Variants in SGIP1 observed in about 807,000 individuals in gnomAD.
SGIP1 encodes SH3-containing GRB2-like protein 3-interacting protein 1.
SGIP1 carries 38 observed loss-of-function variants against 107.5 expected under a neutral mutation model. The observed-to-expected ratio is 0.35, with a 90% CI of 0.27 to 0.46. The LOEUF is 0.46. Ranked by LOEUF, SGIP1 falls within the 20% of genes least tolerant of loss-of-function variation. SGIP1 has a pLI of 1.00. For synonymous variants in SGIP1, 365 were observed against 366.1 expected, an observed-to-expected ratio of 1.00 and a Z score of 0.03; for missense variants, 929 against 1,019.5, an observed-to-expected ratio of 0.91 and a Z score of 1.21.
chr1:66,696,010 A>G (rs2090848091), intron 18 of SGIP1, among the ~76,000 whole-genome samples: 1 of 152,218 alleles, frequency 6.6e-6, no homozygotes, highest in Non-Finnish European at 1.5e-5. Flanking sequence ...GAAAAGAAAA[A>G]AAGGAGTTTA....
At chr1:66,553,393 C>T (rs370901998) in intron 1 of SGIP1, among the ~76,000 whole-genome samples, 15 of 151,744 alleles carry the variant, frequency 9.9e-5, no homozygotes, top group African/African-American at 2.2e-4. Flanking sequence ...ATGAGGCCAA[C>T]GGCTGGACGT....
chr1:66,551,687 G>A (rs1355598645), intron 1 of SGIP1, among the ~76,000 whole-genome samples: 1 of 152,084 alleles, frequency 6.6e-6, no homozygotes, highest in Non-Finnish European at 1.5e-5. Flanking sequence ...TGTTTACTCT[G>A]CAGCAAATAC....
intron 15 of SGIP1, chr1:66,684,188 G>T: frequency 6.4e-7 from 1 of 1,550,558 alleles, no homozygotes; most frequent in Non-Finnish European, 8.7e-7. Context: ...TCATACTCAG[G>T]TCTGTCTGAG....
At chr1:66,708,655 T>C (rs1449908576) in intron 18 of SGIP1, among the ~76,000 whole-genome samples, 1 of 152,168 alleles carries the variant, frequency 6.6e-6, no homozygotes, top group African/African-American at 2.4e-5. Context: ...CAATTGGGCA[T>C]TAATTTTGGA....
intron 1 of SGIP1, among the ~76,000 whole-genome samples, chr1:66,568,711 A>G (rs1403769666): frequency 6.6e-6 from 1 of 152,010 alleles, no homozygotes; most frequent in African/African-American, 2.4e-5. Context: ...GGCTGGTTCA[A>G]CATACGCAAA....
intron 15 of SGIP1, among the ~76,000 whole-genome samples, chr1:66,683,713 T>TC: frequency 7.9e-6 from 1 of 127,232 alleles, no homozygotes; most frequent in African/African-American, 3.0e-5. Context: ...TTTTTTTTTT[T>TC]TTTTTTTTTT....
intron 1 of SGIP1, among the ~76,000 whole-genome samples, chr1:66,578,553 G>C (rs1487191546): frequency 6.6e-6 from 1 of 152,130 alleles, no homozygotes; most frequent in East Asian, 1.9e-4. Context: ...TTTCTTAAGG[G>C]GGTATTGAGG....
chr1:66,570,802 C>A (rs2060279020), intron 1 of SGIP1, among the ~76,000 whole-genome samples: 1 of 151,880 alleles, frequency 6.6e-6, no homozygotes, highest in Admixed American at 6.6e-5. Context: ...AATTTCCAGT[C>A]TCCCAATAAT....
intron 13 of SGIP1, among the ~76,000 whole-genome samples, chr1:66,678,968 T>C (rs1454975980): frequency 6.6e-6 from 1 of 152,062 alleles, no homozygotes; most frequent in Non-Finnish European, 1.5e-5. Context: ...GAAGAAGAAA[T>C]GAACCAGTTG....
intron 8 of SGIP1, among the ~76,000 whole-genome samples, chr1:66,661,094 G>A (rs1557511126): frequency 1.3e-5 from 2 of 152,150 alleles, no homozygotes; most frequent in Non-Finnish European, 2.9e-5. Flanking sequence ...TAGTAGCAGT[G>A]GGTGATTTTT....
rs537129206 is a variant in SGIP1, at chr1:66,549,955, C to T, written c.10+15587C>T. ...CAACTGCCCTGTTGCTCTGTTGTTC[C>T]AGAAGGAAGCAGGAATCTTTTAGGG... is the stretch of plus-strand genomic sequence containing the variant. On this transcript the variant is annotated intron_variant, in intron 1 of 24. Transcript: ENST00000371037. Among the ~76,000 whole-genome samples, 172 of 152,200 alleles carry T rather than the reference C, an allele frequency of 1.1e-3. 1 individual carries two copies. Among genetic ancestry groups the T allele is most frequent in the African/African-American group, 3.6e-3 (150 of 41,528 alleles).
intron 20 of SGIP1, 115 bp downstream of exon 20, chr1:66,729,534 AGAT>A: frequency 7.6e-7 from 1 of 1,316,678 alleles, no homozygotes; most frequent in Non-Finnish European, 1.1e-6. Flanking sequence ...ACCACCACTC[AGAT>A]ATATTTGTAG....
At chr1:66,722,700 T>TTATTAACG (rs1383130893) in intron 19 of SGIP1, among the ~76,000 whole-genome samples, 1 of 152,014 alleles carries the variant, frequency 6.6e-6, no homozygotes, top group African/African-American at 2.4e-5. Flanking sequence ...TAAGAAGCCG[T>TTATTAACG]TATTAACGTA....
At chr1:66,694,564 C>A in intron 17 of SGIP1, 2 of 1,364,060 alleles carry the variant, frequency 1.5e-6, no homozygotes, top group South Asian at 1.5e-5. Context: ...AGCCATTATC[C>A]ATCTGAATGC....
At chr1:66,537,145 G>C (rs2053816997) in intron 1 of SGIP1, among the ~76,000 whole-genome samples, 1 of 152,176 alleles carries the variant, frequency 6.6e-6, no homozygotes, top group South Asian at 2.1e-4. Context: ...TTAGTGGTTT[G>C]TGGCTCCATG....
chr1:66,645,899 G>A (rs558484303), intron 7 of SGIP1, among the ~76,000 whole-genome samples: 2 of 152,240 alleles, frequency 1.3e-5, no homozygotes, highest in Admixed American at 1.3e-4. Flanking sequence ...GGAGTGCAAT[G>A]GTATGATGTC....
At chr1:66,572,733 A>G (rs1041348156) in intron 1 of SGIP1, among the ~76,000 whole-genome samples, 7 of 152,058 alleles carry the variant, frequency 4.6e-5, no homozygotes, top group Non-Finnish European at 1.0e-4. Flanking sequence ...CCCCTACATA[A>G]AAGGGTCTCC....
At chr1:66,566,649 A>C (rs147562117) in intron 1 of SGIP1, among the ~76,000 whole-genome samples, 1 of 151,966 alleles carries the variant, frequency 6.6e-6, no homozygotes, top group East Asian at 1.9e-4. Context: ...AGTATAAAAC[A>C]TAGAATGTTT....
At chr1:66,545,999 T>C (rs552250574) in intron 1 of SGIP1, among the ~76,000 whole-genome samples, 36 of 152,298 alleles carry the variant, frequency 2.4e-4, no homozygotes, top group African/African-American at 8.4e-4. Context: ...CCAGTTTTAA[T>C]AAATGAATCC....
Sources: allele counts gnomAD v4.1 joint callset (sites outside exome capture counted in the v4.1 genomes callset), GRCh38; gene constraint gnomAD v4.1.1; transcripts MANE v1.5; gene names NCBI Gene and HGNC (gene_info 2026-07-23, HGNC 2026-07-21).